The following AGBL1 variants were observed in gnomAD, a reference collection of about 807,000 sequenced individuals.
AGBL1 encodes AGBL carboxypeptidase 1.
AGBL1 carries 130 observed loss-of-function variants against 118.9 expected under a neutral mutation model. The ratio of observed to expected loss-of-function variants is 1.09; its 90% CI spans 0.95 to 1.26. The LOEUF (loss-of-function observed/expected upper bound fraction) is 1.26. Ranked by LOEUF, AGBL1 falls within the 50% of genes most tolerant of loss-of-function variation. AGBL1 has a pLI of 0.00. For missense variants in AGBL1, 1,584 were observed against 1,298.1 expected (o/e 1.22, Z -3.38); for synonymous variants, 555 against 478.9 (o/e 1.16, Z -2.08).
chr15:86,559,811 C>A (rs2083788066), intron 21 of AGBL1, among the ~76,000 whole-genome samples: 1 of 151,996 alleles, frequency 6.6e-6, no homozygotes, highest in Non-Finnish European at 1.5e-5. Flanking sequence ...TTGCTGGGAT[C>A]TTTGCTTTTA....
chr15:86,728,305 T>C (rs750499759), intron 22 of AGBL1, among the ~76,000 whole-genome samples: 6 of 152,190 alleles, frequency 3.9e-5, no homozygotes, highest in Non-Finnish European at 7.3e-5. Context: ...ACTATTTAAA[T>C]AGAAGCAGGC....
chr15:86,231,763 G>C (rs1259199283), intron 6 of AGBL1, among the ~76,000 whole-genome samples: 1 of 152,302 alleles, frequency 6.6e-6, no homozygotes, highest in East Asian at 1.9e-4. Context: ...CCAGACCCCT[G>C]GGACCTGAGC....
At chr15:86,400,595 T>C (rs1350974838) in intron 18 of AGBL1, among the ~76,000 whole-genome samples, 2 of 151,084 alleles carry the variant, frequency 1.3e-5, no homozygotes, top group Non-Finnish European at 2.9e-5. Flanking sequence ...GTGTAGTCTT[T>C]TATCCCTCAC....
At chr15:86,637,759 G>A (rs1282597572) in intron 21 of AGBL1, among the ~76,000 whole-genome samples, 1 of 152,134 alleles carries the variant, frequency 6.6e-6, no homozygotes, top group Non-Finnish European at 1.5e-5. Context: ...GGATTAAACA[G>A]GGAGAATGAA....
In AGBL1 at chr15:86,667,993, G is replaced by T. The variant is rs146846273; in HGVS notation, c.2995-6280G>T. Among the ~76,000 whole-genome samples, 4 of 152,324 alleles carry T rather than the reference G, an allele frequency of 2.6e-5. No homozygotes were observed. In the East Asian group the frequency reaches 7.7e-4, roughly 29 times the overall value. On this transcript the variant is annotated intron_variant, in intron 21 of 22. Transcript: ENST00000614907. ...CCTCAGGGAGCTTTCCCTCATGGCA[G>T]AGGTGAAGCGGGAGCAGGCATGTCA... is the stretch of plus-strand genomic sequence containing the variant.
intron 17 of AGBL1, among the ~76,000 whole-genome samples, chr15:86,329,866 G>C (rs985653727): frequency 1.3e-5 from 2 of 151,010 alleles, no homozygotes; most frequent in Admixed American, 6.6e-5. Flanking sequence ...GATCCAAGTG[G>C]AGAGGAGCCT....
In AGBL1 at chr15:86,991,585, A is replaced by T. The variant is rs540342084; in HGVS notation, c.3323+3497A>T. Among the ~76,000 whole-genome samples, 8 of 152,298 alleles carry T rather than the reference A, an allele frequency of 5.3e-5. No individual in the cohort carries two copies. In the South Asian group the frequency reaches 1.7e-3, roughly 32 times the overall value. On this transcript the variant is annotated intron_variant, in intron 24 of 24. Transcript: ENST00000441037. The stretch of plus-strand genomic sequence containing the variant: ...TAGGCAATAAGATAATTTCAGAGGA[A>T]GGGAGAATGACTCTTGACTGAGGGA...
intron 24 of AGBL1, among the ~76,000 whole-genome samples, chr15:87,002,733 T>C (rs2081453308): frequency 6.6e-6 from 1 of 152,218 alleles, no homozygotes; most frequent in East Asian, 1.9e-4. Flanking sequence ...TTATTCTCTT[T>C]GAAGCATTTG....
chr15:86,503,128 G>A lies in AGBL1; in HGVS notation c.2556-19682G>A, dbSNP rs570370063. Among the ~76,000 whole-genome samples, 6 of 151,416 alleles carry A rather than the reference G, an allele frequency of 4.0e-5. No homozygotes were observed. The South Asian group carries it at 1.2e-3, about 31-fold the overall frequency. ...ATAATTCAATCTTTTATTTATTATA[G>A]GTCTATTTCAATTTAATATTTTCTA... is the stretch of plus-strand genomic sequence containing the variant. On this transcript the variant is annotated intron_variant, in intron 18 of 22. Coordinates refer to ENST00000614907, the MANE Select transcript of AGBL1 (RefSeq NM_001386094.1).
chr15:86,179,448 A>C (rs2077523939), intron 5 of AGBL1, among the ~76,000 whole-genome samples: 1 of 152,224 alleles, frequency 6.6e-6, no homozygotes, highest in Admixed American at 6.5e-5. Context: ...ATAAAAAATT[A>C]AGAAAACCCG....
At chr15:86,779,922 C>CAA (rs1339109258) in intron 22 of AGBL1, among the ~76,000 whole-genome samples, 1 of 102,944 alleles carries the variant, frequency 9.7e-6, no homozygotes, top group East Asian at 2.9e-4. Context: ...ACCCCCCCAA[C>CAA]ACACACACAC....
intron 18 of AGBL1, among the ~76,000 whole-genome samples, chr15:86,473,038 A>T (rs1237917010): frequency 6.6e-6 from 1 of 152,250 alleles, no homozygotes; most frequent in African/African-American, 2.4e-5. Context: ...TAACTACAAT[A>T]GTATATATTA....
At chr15:86,702,190 T>C (rs996837255) in intron 22 of AGBL1, among the ~76,000 whole-genome samples, 1 of 152,144 alleles carries the variant, frequency 6.6e-6, no homozygotes, top group African/African-American at 2.4e-5. Context: ...TACTTTTTAG[T>C]TTTGAAAACT....
At chr15:86,886,119 C>A (rs557671692) in intron 22 of AGBL1, among the ~76,000 whole-genome samples, 1 of 152,262 alleles carries the variant, frequency 6.6e-6, no homozygotes, top group African/African-American at 2.4e-5. Context: ...TCTGTACTTT[C>A]TTTATCGAAA....
chr15:86,664,502 C>T (rs886267126), intron 21 of AGBL1, among the ~76,000 whole-genome samples: 9 of 152,212 alleles, frequency 5.9e-5, no homozygotes, highest in African/African-American at 1.9e-4. Context: ...TGTCTTTCAA[C>T]TCATGCTGGC....
chr15:86,105,630 C>A (rs948326400), intron 1 of AGBL1, among the ~76,000 whole-genome samples: 2 of 152,154 alleles, frequency 1.3e-5, no homozygotes, highest in African/African-American at 2.4e-5. Flanking sequence ...GAAAGAGAGG[C>A]CTTTACTCAG....
intron 22 of AGBL1, among the ~76,000 whole-genome samples, chr15:86,764,594 G>C (rs2078070024): frequency 6.6e-6 from 1 of 151,884 alleles, no homozygotes; most frequent in Non-Finnish European, 1.5e-5. Context: ...TTATTTGTAG[G>C]GTAAAAGTAT....
chr15:86,994,657 G>C (rs1212983109), intron 24 of AGBL1, among the ~76,000 whole-genome samples: 1 of 152,124 alleles, frequency 6.6e-6, no homozygotes, highest in Admixed American at 6.5e-5. Flanking sequence ...AATTCAGTGA[G>C]GTTCAGAGGG....
chr15:86,762,571 T>G (rs2078041932), intron 22 of AGBL1, among the ~76,000 whole-genome samples: 1 of 151,876 alleles, frequency 6.6e-6, no homozygotes, highest in Non-Finnish European at 1.5e-5. Flanking sequence ...ACTATAAAGC[T>G]CTGAGGGAAG....
Sources: gnomAD v4.1 joint callset for allele counts (sites outside exome capture counted in the v4.1 genomes callset) on GRCh38, gnomAD v4.1.1 for gene constraint, MANE v1.5 for transcripts, NCBI Gene and HGNC (gene_info 2026-07-23, HGNC 2026-07-21) for gene names.